Variants in CEP112 observed in about 807,000 individuals in gnomAD.
CEP112 encodes centrosomal protein of 112 kDa.
In CEP112, 127 loss-of-function variants were observed where a neutral mutation model predicts 153.0. That is an observed-to-expected ratio of 0.83 (90% CI 0.72 to 0.96). CEP112 has a LOEUF of 0.96. Ranked by LOEUF, CEP112 falls within the 40% of genes least tolerant of loss-of-function variation. The pLI is 0.00. For missense variants in CEP112, 1,089 were observed against 1,101.2 expected, an observed-to-expected ratio of 0.99 and a Z score of 0.16; for synonymous variants, 358 against 374.4, an observed-to-expected ratio of 0.96 and a Z score of 0.51.
At chr17:66,070,081 C>G (rs936900856) in intron 8 of CEP112, 80 bp from the exon 9 acceptor site, 11 of 747,762 alleles carry the variant, frequency 1.5e-5, no homozygotes, top group Non-Finnish European at 4.5e-6. Flanking sequence ...AAAATAATTC[C>G]CTATAAAAAA....
At chr17:65,716,708 C>T (rs980289172) in intron 23 of CEP112, among the ~76,000 whole-genome samples, 9 of 152,086 alleles carry the variant, frequency 5.9e-5, no homozygotes, top group Non-Finnish European at 1.5e-5. Flanking sequence ...ATACAAGGAA[C>T]ACATCCTTCC....
intron 24 of CEP112, among the ~76,000 whole-genome samples, chr17:65,666,904 T>C (rs2046721745): frequency 1.3e-5 from 2 of 152,256 alleles, no homozygotes. Context: ...AGGTTTTATA[T>C]GAATGAAACA....
At chr17:66,160,420 T>A (rs1414360801) in intron 4 of CEP112, among the ~76,000 whole-genome samples, 1 of 152,200 alleles carries the variant, frequency 6.6e-6, no homozygotes, top group Non-Finnish European at 1.5e-5. Context: ...GCTGGAGGCA[T>A]CATGCTACCT....
intron 4 of CEP112, among the ~76,000 whole-genome samples, chr17:66,159,511 T>C (rs1367806786): frequency 6.6e-6 from 1 of 151,820 alleles, no homozygotes; most frequent in African/African-American, 2.4e-5. Context: ...CACAATCAAG[T>C]TGGCTTCATC....
At chr17:65,716,599 G>A (rs1367386024) in intron 23 of CEP112, among the ~76,000 whole-genome samples, 1 of 152,136 alleles carries the variant, frequency 6.6e-6, no homozygotes, top group African/African-American at 2.4e-5. Context: ...TAACCTTTAT[G>A]TGTCTGAAAT....
intron 6 of CEP112, among the ~76,000 whole-genome samples, chr17:66,100,170 T>G (rs1302626580): frequency 6.6e-6 from 1 of 150,834 alleles, no homozygotes; most frequent in Non-Finnish European, 1.5e-5. Flanking sequence ...GTAACCGAGG[T>G]GGGCGGATCA....
At chr17:65,778,956 C>T (rs2053845113) in intron 21 of CEP112, among the ~76,000 whole-genome samples, 1 of 151,934 alleles carries the variant, frequency 6.6e-6, no homozygotes, top group African/African-American at 2.4e-5. Context: ...GCTATGATTG[C>T]ACCACTATAC....
intron 21 of CEP112, among the ~76,000 whole-genome samples, chr17:65,759,762 G>A (rs983916548): frequency 1.3e-5 from 2 of 152,098 alleles, no homozygotes; most frequent in African/African-American, 4.8e-5. Context: ...GTTGTTCTTT[G>A]ATTTATTTAA....
chr17:65,879,064 G>A (rs75790124), intron 20 of CEP112, among the ~76,000 whole-genome samples: 6 of 152,206 alleles, frequency 3.9e-5, no homozygotes, highest in Non-Finnish European at 5.9e-5. Flanking sequence ...TATCCCATCT[G>A]CGTAAACTGA....
intron 20 of CEP112, among the ~76,000 whole-genome samples, chr17:65,862,330 T>C (rs1348305715): frequency 2.0e-5 from 3 of 152,210 alleles, no homozygotes. Context: ...GGCTCACGCC[T>C]GTAATCCTAG....
Position 65,655,362 on chromosome 17 carries a change from G to A in CEP112, c.2698-14297C>T, listed in dbSNP as rs1045349750. 3.2e-6 allele frequency: 5 copies of A among 1,560,386 alleles called. No individual in the cohort carries two copies. The African/African-American group carries it at 5.4e-5, about 17-fold the overall frequency. ...TGCCAAATTACCACCACCTAAAGAA[G>A]ACTACGAAAGGAAGCTCAACTCCAG... On this transcript the variant is annotated intron_variant, in intron 24 of 26. Transcript: ENST00000535342.
chr17:65,781,395 A>G (rs1895034), intron 21 of CEP112, among the ~76,000 whole-genome samples: 49,086 of 152,082 alleles, frequency 0.32, 9,678 homozygotes, highest in Middle Eastern at 0.45. Context: ...GGAAGAATCA[A>G]TATCATTAAC....
At chr17:65,930,874 T>C (rs528515946) in intron 18 of CEP112, among the ~76,000 whole-genome samples, 2 of 152,076 alleles carry the variant, frequency 1.3e-5, no homozygotes, top group South Asian at 2.1e-4. Context: ...TTTCATCCAG[T>C]CAGTCTTTTC....
chr17:65,734,076 T>C lies in CEP112; in HGVS notation c.2607+8992A>G, dbSNP rs148527888. 7.3e-3 allele frequency among the ~76,000 whole-genome samples: 1,112 copies of C among 152,348 alleles called. 14 individuals carry two copies. Among genetic ancestry groups the C allele is most frequent in the African/African-American group, 0.023 (948 of 41,580 alleles). On this transcript the variant is annotated intron_variant, in intron 23 of 26. Coordinates refer to ENST00000535342, the MANE Select transcript of CEP112 (RefSeq NM_001199165.4). Reference sequence around the variant, plus strand: ...GTGCTGTCCCAGGACCCACTGCAGATACAGCACAAGCACCACTTTCCTAGA... The same window carrying C: ...GTGCTGTCCCAGGACCCACTGCAGACACAGCACAAGCACCACTTTCCTAGA...
chr17:66,114,285 T>C (rs890834887), intron 6 of CEP112, among the ~76,000 whole-genome samples: 1 of 152,218 alleles, frequency 6.6e-6, no homozygotes, highest in African/African-American at 2.4e-5. Flanking sequence ...GTTTATTTTT[T>C]TTAGCAGATT....
At chr17:66,164,189 A>G (rs1442770587) in intron 4 of CEP112, among the ~76,000 whole-genome samples, 2 of 152,244 alleles carry the variant, frequency 1.3e-5, no homozygotes, top group African/African-American at 4.8e-5. Flanking sequence ...CTTCTCATTT[A>G]TGTAGCAGTC....
intron 24 of CEP112, among the ~76,000 whole-genome samples, chr17:65,642,690 G>T (rs1168173687): frequency 6.6e-6 from 1 of 152,194 alleles, no homozygotes; most frequent in Non-Finnish European, 1.5e-5. Flanking sequence ...AAGTGAGCCA[G>T]TTCCAGCTAC....
intron 23 of CEP112, among the ~76,000 whole-genome samples, chr17:65,730,571 G>A (rs232092): frequency 0.033 from 4,992 of 152,236 alleles, 252 homozygotes; most frequent in African/African-American, 0.11. Flanking sequence ...CGTGCATACA[G>A]GGGAGACAGG....
At chr17:65,990,562 C>T (rs2063559039) in intron 17 of CEP112, among the ~76,000 whole-genome samples, 1 of 152,244 alleles carries the variant, frequency 6.6e-6, no homozygotes, top group Non-Finnish European at 1.5e-5. Flanking sequence ...CAGCTGACAT[C>T]TGCCTGCAGA....
Sources: allele counts gnomAD v4.1 joint callset (sites outside exome capture counted in the v4.1 genomes callset), GRCh38; gene constraint gnomAD v4.1.1; transcripts MANE v1.5; gene names NCBI Gene and HGNC (gene_info 2026-07-23, HGNC 2026-07-21).